The following CLSTN2 variants were observed in gnomAD, a reference collection of about 807,000 sequenced individuals.
CLSTN2 encodes the protein calsyntenin 2.
CLSTN2 carries 48 observed loss-of-function variants against 101.2 expected under a neutral mutation model. The observed-to-expected ratio is 0.47, with a 90% CI of 0.38 to 0.60. The LOEUF is 0.60. Ranked by LOEUF, CLSTN2 falls within the 20% of genes least tolerant of loss-of-function variation. CLSTN2 has a pLI of 0.00. For missense variants in CLSTN2, 1,160 were observed against 1,238.2 expected (o/e 0.94, Z 0.95); for synonymous variants, 481 against 463.6 (o/e 1.04, Z -0.48).
rs552029430 is a variant in CLSTN2, at chr3:140,385,396, C to T, written c.233-18233C>T. On this transcript the variant is annotated intron_variant, in intron 2 of 16. Transcript: ENST00000458420. ...TTTTTTTTTTTTTTATCTGAGATGG[C>T]GTCTCGCTGTCGCCCAGGCTGGAGT... is the stretch of plus-strand genomic sequence containing the variant. 3.1e-4 allele frequency among the ~76,000 whole-genome samples: 37 copies of T among 118,776 alleles called. No homozygotes were observed. The Admixed American group carries it at 3.4e-3, about 11-fold the overall frequency. The allele number at this position is 118,776 out of a possible 152,430, so 77.9% of individuals were successfully genotyped here.
intron 12 of CLSTN2, among the ~76,000 whole-genome samples, chr3:140,561,237 GC>G (rs1353590969): frequency 6.6e-6 from 1 of 152,056 alleles, no homozygotes; most frequent in Admixed American, 6.5e-5. Flanking sequence ...AAGACAACTA[GC>G]CTATCATCAG....
Position 140,175,726 on chromosome 3 carries a change from A to G in CLSTN2, c.110-225A>G, listed in dbSNP as rs562273304. On this transcript the variant is annotated intron_variant, in intron 1 of 16. Coordinates refer to ENST00000458420, the MANE Select transcript of CLSTN2 (RefSeq NM_022131.3). ...CAAAACAAACAGTGTTTGATAGTCA[A>G]TGCTGTCTCTCACCTTCTGAGTGGC... 7.2e-5 allele frequency among the ~76,000 whole-genome samples: 11 copies of G among 152,314 alleles called. No individual in the cohort carries two copies. The South Asian group carries it at 1.2e-3, about 17-fold the overall frequency.
At chr3:140,021,547 G>A (rs2007316710) in intron 1 of CLSTN2, among the ~76,000 whole-genome samples, 1 of 152,140 alleles carries the variant, frequency 6.6e-6, no homozygotes, top group African/African-American at 2.4e-5. Flanking sequence ...GTATTCTGTG[G>A]TCTGGGTGGG....
At chr3:140,360,129 C>T (rs2087712783) in intron 2 of CLSTN2, among the ~76,000 whole-genome samples, 1 of 151,996 alleles carries the variant, frequency 6.6e-6, no homozygotes. Context: ...TCCTGGAAAG[C>T]AAGTTACCCA....
chr3:140,328,866 A>G (rs1293586062), intron 2 of CLSTN2, among the ~76,000 whole-genome samples: 1 of 152,234 alleles, frequency 6.6e-6, no homozygotes, highest in Non-Finnish European at 1.5e-5. Flanking sequence ...TGCAGTATGC[A>G]TTCAGTAAAC....
intron 1 of CLSTN2, among the ~76,000 whole-genome samples, chr3:139,945,640 A>G (rs1332943103): frequency 6.6e-6 from 1 of 152,212 alleles, no homozygotes; most frequent in East Asian, 1.9e-4. Context: ...AATTTTCAGG[A>G]AGAACCAGTC....
At chr3:140,062,681 C>T (rs941247494) in intron 1 of CLSTN2, among the ~76,000 whole-genome samples, 2 of 152,222 alleles carry the variant, frequency 1.3e-5, no homozygotes, top group Non-Finnish European at 2.9e-5. Context: ...TATGTGACTA[C>T]TGTACCCCTG....
chr3:140,199,950 C>T (rs2010696876), intron 2 of CLSTN2, among the ~76,000 whole-genome samples: 1 of 152,326 alleles, frequency 6.6e-6, no homozygotes, highest in South Asian at 2.1e-4. Flanking sequence ...TGAACCCAAA[C>T]ACTATGCACA....
At chr3:140,305,243 T>G (rs2087101409) in intron 2 of CLSTN2, among the ~76,000 whole-genome samples, 1 of 151,852 alleles carries the variant, frequency 6.6e-6, no homozygotes. Flanking sequence ...ATATTATTAT[T>G]TATCTAATAT....
chr3:140,555,128 A>T (rs1935770202), intron 10 of CLSTN2, among the ~76,000 whole-genome samples: 2 of 152,226 alleles, frequency 1.3e-5, no homozygotes. Flanking sequence ...AAGCCGATGG[A>T]CTAGCCCCTA....
At chr3:140,225,380 T>C (rs1174693343) in intron 2 of CLSTN2, among the ~76,000 whole-genome samples, 1 of 152,236 alleles carries the variant, frequency 6.6e-6, no homozygotes, top group Non-Finnish European at 1.5e-5. Flanking sequence ...ACGAATTGTT[T>C]CTCTTGCTTG....
At chr3:140,347,742 T>C (rs2087563752) in intron 2 of CLSTN2, among the ~76,000 whole-genome samples, 1 of 152,230 alleles carries the variant, frequency 6.6e-6, no homozygotes. Flanking sequence ...ATCTACTACA[T>C]ATATACTACA....
intron 1 of CLSTN2, among the ~76,000 whole-genome samples, chr3:140,097,447 C>T (rs2008887384): frequency 6.6e-6 from 1 of 152,190 alleles, no homozygotes; most frequent in Admixed American, 6.5e-5. Context: ...TAATAATGCT[C>T]ACAGCAGCCA....
At chr3:140,017,683 C>G (rs1436241751) in intron 1 of CLSTN2, among the ~76,000 whole-genome samples, 1 of 152,196 alleles carries the variant, frequency 6.6e-6, no homozygotes, top group Non-Finnish European at 1.5e-5. Flanking sequence ...TGGAGTGACT[C>G]CTTTCCAAGA....
intron 7 of CLSTN2, 124 bp from the exon 8 acceptor site, chr3:140,466,486 A>G: frequency 9.2e-7 from 1 of 1,082,564 alleles, no homozygotes; most frequent in East Asian, 2.4e-5. Flanking sequence ...GTTGTAAATG[A>G]GAAGACTGGA....
intron 2 of CLSTN2, among the ~76,000 whole-genome samples, chr3:140,342,524 C>T (rs568061928): frequency 6.6e-6 from 1 of 152,172 alleles, no homozygotes; most frequent in South Asian, 2.1e-4. Flanking sequence ...GCAGAGAGCA[C>T]AAAGGAAGAC....
rs558167035 is a variant in CLSTN2 at position 140,466,635 on chromosome 3, G to A, written c.1248G>A (p.Leu416=). The A allele has an allele frequency of 7.4e-6, 12 of 1,614,152 alleles. No individual in the cohort carries two copies. Among genetic ancestry groups the A allele is most frequent in the Non-Finnish European group, 1.0e-5 (12 of 1,180,004 alleles). ...KTEMNRHHYA[L]YVHNCRLVFL... ...AAATGAACCGGCATCACTATGCCCTGTATGTGCACAACTGCCGCCTCGTCT... is the reference window on the plus strand; with the variant it reads ...AAATGAACCGGCATCACTATGCCCTATATGTGCACAACTGCCGCCTCGTCT... The change falls in exon 8 of 17, where the codon CTG becomes CTA. Residue 416 remains leucine (L), a synonymous_variant. Transcript: ENST00000458420.
intron 2 of CLSTN2, among the ~76,000 whole-genome samples, chr3:140,210,781 A>G (rs1290883659): frequency 6.6e-6 from 1 of 151,274 alleles, no homozygotes; most frequent in Non-Finnish European, 1.5e-5. Flanking sequence ...GAGGAGGGTC[A>G]TTATAGAAAC....
At chr3:140,150,319 T>C (rs937558700) in intron 1 of CLSTN2, among the ~76,000 whole-genome samples, 1 of 152,170 alleles carries the variant, frequency 6.6e-6, no homozygotes, top group African/African-American at 2.4e-5. Context: ...TTTAGGGCTT[T>C]GGTCAGTGCA....
Sources: gnomAD v4.1 joint callset for allele counts (sites outside exome capture counted in the v4.1 genomes callset) on GRCh38, gnomAD v4.1.1 for gene constraint, MANE v1.5 for transcripts, NCBI Gene and HGNC (gene_info 2026-07-23, HGNC 2026-07-21) for gene names.